The following DSTN variants were observed in gnomAD, a reference collection of about 807,000 sequenced individuals.
The protein encoded by DSTN is destrin, actin depolymerizing factor.
DSTN carries 10 observed loss-of-function variants against 16.8 expected under a neutral mutation model. The ratio of observed to expected loss-of-function variants is 0.60; its 90% CI spans 0.37 to 1.01. DSTN has a LOEUF of 1.01. Among genes scored for constraint, DSTN ranks in the 50% least tolerant of loss-of-function variants. The pLI, the probability that DSTN is intolerant of heterozygous loss-of-function variation, is 0.01. For missense variants in DSTN, 141 were observed against 196.7 expected (o/e 0.72, Z 1.69); for synonymous variants, 57 against 58.9 (o/e 0.97, Z 0.14).
intron 2 of DSTN, among the ~76,000 whole-genome samples, chr20:17,601,759 ATGT>A (rs1017344374): frequency 2.6e-4 from 40 of 152,184 alleles, no homozygotes; most frequent in South Asian, 2.1e-3. Context: ...TTTTCTTGAA[ATGT>A]TGTTTAGTTA....
intron 2 of DSTN, among the ~76,000 whole-genome samples, chr20:17,603,891 T>C (rs2035612719): frequency 6.6e-6 from 1 of 152,254 alleles, no homozygotes; most frequent in Non-Finnish European, 1.5e-5. Context: ...TGTATTGTTA[T>C]GTTAGACTAA....
rs1375736590 is a variant in DSTN at position 17,608,296 on chromosome 20, A to G, written c.*1150A>G. ...GGGAATACAGGATTTTGCCTTCCAT[A>G]TGGGGTAAGGCATTGAGGTTTGGGT... On this transcript the variant is annotated 3_prime_UTR_variant, in exon 4 of 4. Transcript: ENST00000246069. 6.6e-6 allele frequency: 1 copy of G among 152,164 alleles called. No individual in the cohort carries two copies. Among genetic ancestry groups the G allele is most frequent in the Non-Finnish European group, 1.5e-5 (1 of 68,032 alleles). 9.4% of individuals were successfully genotyped at this position (152,164 alleles called of 1,614,324 possible).
At chr20:17,581,249 G>A (rs2035340583) in intron 1 of DSTN, among the ~76,000 whole-genome samples, 1 of 152,118 alleles carries the variant, frequency 6.6e-6, no homozygotes, top group African/African-American at 2.4e-5. Flanking sequence ...GGGAGGCCGA[G>A]GTGAGAGGAT....
chr20:17,598,197 G>GT (rs2035549020), intron 1 of DSTN, among the ~76,000 whole-genome samples: 1 of 152,160 alleles, frequency 6.6e-6, no homozygotes, highest in African/African-American at 2.4e-5. Flanking sequence ...TTTCTCTTGA[G>GT]TATATATACC....
In DSTN at chr20:17,607,272, ACTATT is replaced by A; in HGVS notation, c.*131_*135del. The stretch of plus-strand genomic sequence containing the variant: ...GCTGTCTTGTCATCTTTTAGAGTAA[ACTATT>A]CTATAAACATATGCAAACAGCCCTA... On this transcript the variant is annotated 3_prime_UTR_variant, in exon 4 of 4. Transcript: ENST00000246069. 1.4e-6 allele frequency: 1 copy of A among 724,568 alleles called. No homozygotes were observed. The highest frequency in any genetic ancestry group is 2.2e-6 in the Non-Finnish European group (1 of 464,172). The allele number at this position is 724,568 out of a possible 1,614,324, so 44.9% of individuals were successfully genotyped here.
rs368746357 is a variant in DSTN at position 17,600,734 on chromosome 20, A to G, written c.4-4A>G. The stretch of plus-strand genomic sequence containing the variant: ...TCTTTTTCTCATGTATTTTCTCATC[A>G]TAGGCCTCAGGAGTGCAAGTAGCTG... On this transcript the variant is annotated splice_polypyrimidine_tract_variant and splice_region_variant and intron_variant, in intron 1 of 3. Coordinates refer to ENST00000246069, the MANE Select transcript of DSTN (RefSeq NM_006870.4). 2.5e-6 allele frequency: 4 copies of G among 1,585,976 alleles called. No homozygotes were observed. Among genetic ancestry groups the G allele is most frequent in the Non-Finnish European group, 3.4e-6 (4 of 1,166,448 alleles).
chr20:17,601,156 A>G lies in DSTN; in HGVS notation c.311+111A>G. ...ATTCAAACTATTTGCAGTTGTTGTC[A>G]TTTAATTTTTATTTACAGGTTTCAT... is the stretch of plus-strand genomic sequence containing the variant. On this transcript the variant is annotated intron_variant, in intron 2 of 3. Transcript: ENST00000246069. 5 of 1,318,530 alleles carry G rather than the reference A, an allele frequency of 3.8e-6. No individual in the cohort carries two copies. In the South Asian group the frequency reaches 8.5e-5, roughly 22 times the overall value. The allele number at this position is 1,318,530 out of a possible 1,614,324, so 81.7% of individuals were successfully genotyped here.
At chr20:17,581,117 T>G (rs1482128031) in intron 1 of DSTN, among the ~76,000 whole-genome samples, 1 of 152,094 alleles carries the variant, frequency 6.6e-6, no homozygotes. Flanking sequence ...AGTAGTGTAG[T>G]GGAGCGAGAT....
chr20:17,580,305 G>GA (rs1843746072), intron 1 of DSTN, among the ~76,000 whole-genome samples: 1 of 152,176 alleles, frequency 6.6e-6, no homozygotes, highest in Non-Finnish European at 1.5e-5. Flanking sequence ...AAATATTTGA[G>GA]AGATTTTTGT....
chr20:17,588,904 T>A (rs914227884), intron 1 of DSTN, among the ~76,000 whole-genome samples: 1 of 151,488 alleles, frequency 6.6e-6, no homozygotes, highest in Non-Finnish European at 1.5e-5. Flanking sequence ...GTGGGGAGAG[T>A]GTTTCAGCAC....
intron 1 of DSTN, 59 bp from the exon 2 acceptor site, chr20:17,600,679 T>A: frequency 2.7e-6 from 4 of 1,470,994 alleles, no homozygotes; most frequent in Non-Finnish European, 3.6e-6. Context: ...GAATTTATTA[T>A]TTTATGTTTG....
chr20:17,576,434 T>TA (rs141152577), intron 1 of DSTN: 2 of 161,982 alleles, frequency 1.2e-5, no homozygotes, highest in Non-Finnish European at 2.9e-5. Flanking sequence ...GACACCTGCC[T>TA]AGCCAGCCAG....
At chr20:17,592,083 T>G in intron 1 of DSTN, 1 of 985,424 alleles carries the variant, frequency 1.0e-6, no homozygotes, top group African/African-American at 1.7e-5. Flanking sequence ...CCGTGCTTTC[T>G]GTCTGCCTCA....
rs373727010 is a variant in DSTN at position 17,607,483 on chromosome 20, C to G, written c.*337C>G. ...ACATCTTTATTAACCTCAGCATTTA[C>G]TTTGTTTCTTTTGCTTAGGAAATTG... On this transcript the variant is annotated 3_prime_UTR_variant, in exon 4 of 4. Coordinates refer to ENST00000246069, the MANE Select transcript of DSTN (RefSeq NM_006870.4). 4.9e-4 allele frequency: 96 copies of G among 197,180 alleles called. 1 individual carries two copies. The Middle Eastern group carries it at 7.9e-3, about 16-fold the overall frequency. The allele number at this position is 197,180 out of a possible 1,614,324, so 12.2% of individuals were successfully genotyped here.
intron 1 of DSTN, among the ~76,000 whole-genome samples, chr20:17,597,142 G>A (rs184415424): frequency 1.2e-4 from 19 of 152,260 alleles, no homozygotes; most frequent in African/African-American, 4.3e-4. Flanking sequence ...CTTAACATAA[G>A]ATACGTTGTA....
chr20:17,609,307 A>T lies in DSTN; in HGVS notation c.*2161A>T, dbSNP rs1379487681. Reference sequence around the variant, plus strand: ...CATCCTTGAACTCTTGGGCTCCAGCAAGCCTCCTGCCTTGGCCTCCTAAAG... The same window carrying T: ...CATCCTTGAACTCTTGGGCTCCAGCTAGCCTCCTGCCTTGGCCTCCTAAAG... On this transcript the variant is annotated 3_prime_UTR_variant, in exon 4 of 4. Coordinates refer to ENST00000246069, the MANE Select transcript of DSTN (RefSeq NM_006870.4). 6.6e-6 allele frequency: 1 copy of T among 152,216 alleles called. No individual in the cohort carries two copies. Among genetic ancestry groups the T allele is most frequent in the Non-Finnish European group, 1.5e-5 (1 of 68,082 alleles). The allele number at this position is 152,216 out of a possible 1,614,324, so 9.4% of individuals were successfully genotyped here. A position where few individuals can be genotyped will look rare whatever the true frequency, so the allele number is the denominator to read the frequency against.
At chr20:17,577,913 AATGG>A (rs2035297630) in intron 1 of DSTN, among the ~76,000 whole-genome samples, 2 of 152,362 alleles carry the variant, frequency 1.3e-5, no homozygotes, top group South Asian at 4.1e-4. Context: ...GTTTTCCAGT[AATGG>A]ATAAGAATAA....
intron 2 of DSTN, among the ~76,000 whole-genome samples, chr20:17,604,009 T>A (rs912868162): frequency 2.0e-5 from 3 of 152,162 alleles, no homozygotes; most frequent in Non-Finnish European, 4.4e-5. Context: ...TTGTCCTTTT[T>A]TTTAAGTTTT....
chr20:17,570,331 C>G, intron 1 of DSTN, 120 bp downstream of exon 1: 1 of 1,294,242 alleles, frequency 7.7e-7, no homozygotes, highest in Non-Finnish European at 1.0e-6. Flanking sequence ...GGACCCGGTC[C>G]GGCTGCAGTG....
Sources: gnomAD v4.1 joint callset for allele counts (sites outside exome capture counted in the v4.1 genomes callset) on GRCh38, gnomAD v4.1.1 for gene constraint, MANE v1.5 for transcripts, NCBI Gene and HGNC (gene_info 2026-07-23, HGNC 2026-07-21) for gene names.